Variants in PTPRD observed in about 807,000 individuals in gnomAD.
PTPRD encodes receptor-type tyrosine-protein phosphatase delta.
Under a neutral mutation model 214.5 loss-of-function variants are expected in PTPRD, and 34 were observed. That is an observed-to-expected ratio of 0.16 (90% CI 0.12 to 0.21). The LOEUF is 0.21. Ranked by LOEUF, PTPRD falls within the 10% of genes least tolerant of loss-of-function variation. The pLI is 1.00. For synonymous variants in PTPRD, 1,128 were observed against 845.7 expected, an observed-to-expected ratio of 1.33 and a Z score of -5.79; for missense variants, 2,545 against 2,398.7, an observed-to-expected ratio of 1.06 and a Z score of -1.27.
At chr9:10,143,439 G>A (rs2099001073) in intron 3 of PTPRD, among the ~76,000 whole-genome samples, 1 of 152,016 alleles carries the variant, frequency 6.6e-6, no homozygotes, top group Non-Finnish European at 1.5e-5. Context: ...GGAGAAAATG[G>A]AACACTTGTA....
At chr9:9,593,009 C>T (rs1216136950) in intron 7 of PTPRD, among the ~76,000 whole-genome samples, 1 of 150,820 alleles carries the variant, frequency 6.6e-6, no homozygotes, top group Non-Finnish European at 1.5e-5. Context: ...TGTGCCACTG[C>T]ATTCCAGCCT....
At chr9:10,041,365 G>A (rs2097294320) in intron 3 of PTPRD, among the ~76,000 whole-genome samples, 1 of 151,792 alleles carries the variant, frequency 6.6e-6, no homozygotes, top group Non-Finnish European at 1.5e-5. Flanking sequence ...CTGATTTCTA[G>A]GAAAATAAGG....
At chr9:9,050,861 A>C (rs1202123538) in intron 10 of PTPRD, among the ~76,000 whole-genome samples, 1 of 152,140 alleles carries the variant, frequency 6.6e-6, no homozygotes, top group Non-Finnish European at 1.5e-5. Flanking sequence ...GGTAAGCTTA[A>C]TCCTAGGTAT....
intron 7 of PTPRD, among the ~76,000 whole-genome samples, chr9:9,594,118 AAAG>A (rs1439415276): frequency 1.3e-5 from 2 of 152,084 alleles, no homozygotes; most frequent in African/African-American, 2.4e-5. Flanking sequence ...TTAGAATATG[AAAG>A]AAGATCACTT....
chr9:10,148,232 C>G (rs1227278254), intron 3 of PTPRD, among the ~76,000 whole-genome samples: 3 of 152,168 alleles, frequency 2.0e-5, no homozygotes, highest in Non-Finnish European at 4.4e-5. Context: ...GGAAAGAAGG[C>G]AACACTCACA....
intron 11 of PTPRD, among the ~76,000 whole-genome samples, chr9:8,838,807 A>C (rs1327580368): frequency 6.6e-6 from 1 of 152,128 alleles, no homozygotes; most frequent in Non-Finnish European, 1.5e-5. Flanking sequence ...TGAAGAATGG[A>C]TATAAAACAG....
chr9:9,342,101 A>G (rs2047032587), intron 9 of PTPRD, among the ~76,000 whole-genome samples: 1 of 152,036 alleles, frequency 6.6e-6, no homozygotes, highest in Admixed American at 6.6e-5. Context: ...GAGCCACCAC[A>G]CCCAGCCAAG....
chr9:9,980,335 A>G (rs13286046), intron 4 of PTPRD, among the ~76,000 whole-genome samples: 15,064 of 151,912 alleles, frequency 0.099, 863 homozygotes, highest in Non-Finnish European at 0.13. Context: ...TGGGCCGGTT[A>G]TGGTGGGTCA....
intron 7 of PTPRD, among the ~76,000 whole-genome samples, chr9:9,706,998 A>C (rs184072372): frequency 6.6e-6 from 1 of 152,300 alleles, no homozygotes; most frequent in Admixed American, 6.5e-5. Flanking sequence ...AATAAGTTAA[A>C]AGTATAGAAG....
At chr9:10,122,238 G>A (rs1563951595) in intron 3 of PTPRD, among the ~76,000 whole-genome samples, 2 of 152,122 alleles carry the variant, frequency 1.3e-5, no homozygotes, top group South Asian at 2.1e-4. Context: ...AACCTGGGAG[G>A]TGGAGGCTGC....
At chr9:9,330,187 C>A (rs2041785867) in intron 9 of PTPRD, among the ~76,000 whole-genome samples, 1 of 152,120 alleles carries the variant, frequency 6.6e-6, no homozygotes, top group Admixed American at 6.6e-5. Flanking sequence ...CCTTGATTTC[C>A]TGACACCCAA....
intron 8 of PTPRD, among the ~76,000 whole-genome samples, chr9:9,487,856 C>A (rs1409967180): frequency 1.3e-5 from 2 of 151,916 alleles, no homozygotes; most frequent in African/African-American, 4.8e-5. Context: ...CTAATAATTC[C>A]CAGTATTTGA....
At chr9:8,671,236 A>G (rs1409850869) in intron 12 of PTPRD, among the ~76,000 whole-genome samples, 2 of 152,214 alleles carry the variant, frequency 1.3e-5, no homozygotes, top group Non-Finnish European at 2.9e-5. Flanking sequence ...CTTCTCATTT[A>G]ATTTTTTAAA....
At chr9:10,416,356 CT>C (rs1216768872) in intron 2 of PTPRD, among the ~76,000 whole-genome samples, 1 of 146,756 alleles carries the variant, frequency 6.8e-6, no homozygotes, top group African/African-American at 2.7e-5. Context: ...ATGACTCCTT[CT>C]CAAAAAAGCA....
chr9:8,996,740 C>G (rs1346954866), intron 11 of PTPRD, among the ~76,000 whole-genome samples: 2 of 152,006 alleles, frequency 1.3e-5, no homozygotes, highest in Non-Finnish European at 2.9e-5. Flanking sequence ...ACAGTAATTC[C>G]TTTAGCCAAA....
rs1022565639 is a variant in PTPRD at position 9,002,163 on chromosome 9, A to G, written c.-104+16534T>C. Among the ~76,000 whole-genome samples the G allele has an allele frequency of 2.0e-5, 3 of 152,176 alleles. No individual in the cohort carries two copies. The South Asian group carries it at 6.2e-4, about 32-fold the overall frequency. On this transcript the variant is annotated intron_variant, in intron 11 of 45. Coordinates refer to ENST00000381196, the MANE Select transcript of PTPRD (RefSeq NM_002839.4). ...TAATACCTTATACCATATATTATCT[A>G]GAAGATAGGATATTTATCTCCAGAG... is the stretch of plus-strand genomic sequence containing the variant.
At chr9:10,291,252 G>A (rs1351330581) in intron 3 of PTPRD, among the ~76,000 whole-genome samples, 1 of 151,960 alleles carries the variant, frequency 6.6e-6, no homozygotes, top group Non-Finnish European at 1.5e-5. Context: ...CACCAGGAGT[G>A]GCAGCTGAGG....
intron 9 of PTPRD, among the ~76,000 whole-genome samples, chr9:9,339,096 C>G (rs1596011824): frequency 6.6e-6 from 1 of 152,222 alleles, no homozygotes; most frequent in African/African-American, 2.4e-5. Context: ...ATTGGGAGGG[C>G]TTCTCCATAG....
intron 7 of PTPRD, among the ~76,000 whole-genome samples, chr9:9,578,504 TA>T (rs1457300790): frequency 2.6e-5 from 4 of 151,996 alleles, no homozygotes; most frequent in African/African-American, 9.7e-5. Context: ...GGAAATTGAA[TA>T]AAAATTATTT....
Sources: gnomAD v4.1 joint callset for allele counts (sites outside exome capture counted in the v4.1 genomes callset) on GRCh38, gnomAD v4.1.1 for gene constraint, MANE v1.5 for transcripts, NCBI Gene and HGNC (gene_info 2026-07-23, HGNC 2026-07-21) for gene names.